The following UBA2 variants were observed in gnomAD, a reference collection of about 807,000 sequenced individuals.
UBA2 encodes ubiquitin like modifier activating enzyme 2.
Under a neutral mutation model 77.2 loss-of-function variants are expected in UBA2, and 11 were observed. That is an observed-to-expected ratio of 0.14 (90% CI 0.09 to 0.24). UBA2 has a LOEUF of 0.24. Among genes scored for constraint, UBA2 ranks in the 10% least tolerant of loss-of-function variants. UBA2 has a pLI of 1.00. For synonymous variants in UBA2, 278 were observed against 276.7 expected (o/e 1.00, Z -0.05); for missense variants, 487 against 781.7 (o/e 0.62, Z 4.50).
At chr19:34,464,197 G>A in intron 15 of UBA2, 66 bp downstream of exon 15, 1 of 1,133,426 alleles carries the variant, frequency 8.8e-7, no homozygotes. Flanking sequence ...ACAAAATGAA[G>A]GAAAAGTGTT....
Position 34,428,469 on chromosome 19 carries a change from G to A in UBA2, c.37G>A (p.Glu13Lys), listed in dbSNP as rs2075211151. 2 of 1,290,374 alleles carry A rather than the reference G, an allele frequency of 1.5e-6. No individual in the cohort carries two copies. The highest frequency in any genetic ancestry group is 3.4e-5 in the Admixed American group (1 of 29,570). The allele number at this position is 1,290,374 out of a possible 1,614,324, so 79.9% of individuals were successfully genotyped here. A position where few individuals can be genotyped will look rare whatever the true frequency, so the allele number is the denominator to read the frequency against. ...GCGGGGGCTGCCCCGGGAGCTGGCT[G>A]AGGCGGTGGCCGGGGGCCGGGTGCT... ...LSRGLPRELA[E>K]AVAGGRVLVV... The change falls in exon 1 of 17, where the codon GAG becomes AAG. Residue 13 changes from glutamate (E) to lysine (K), a missense_variant. Physicochemically the swap from Glu to Lys is moderately conservative, Grantham distance 56. Around this residue, in one of 9 missense-constraint regions of UBA2, gnomAD observed 30 missense variants for 27.4 expected, o/e 1.09. Transcript: ENST00000246548.
rs1287505034 is a variant in UBA2 at position 34,454,438 on chromosome 19, T to TC, written c.1133-3dup. 1.9e-6 allele frequency: 3 copies of TC among 1,561,008 alleles called. No homozygotes were observed. The highest frequency in any genetic ancestry group is 1.4e-5 in the African/African-American group (1 of 72,674). On this transcript the variant is annotated splice_polypyrimidine_tract_variant and splice_region_variant and intron_variant, in intron 11 of 16. Coordinates refer to ENST00000246548, the MANE Select transcript of UBA2 (RefSeq NM_005499.3). ...AAACATACTCATCCTTTTTTTTTTT[T>TC]CCCAGCAATGGCAGGGAACATTATT...
chr19:34,459,461 A>G (rs2075607372), intron 13 of UBA2, among the ~76,000 whole-genome samples: 1 of 152,142 alleles, frequency 6.6e-6, no homozygotes, highest in African/African-American at 2.4e-5. Context: ...GTTGAGGCTA[A>G]GTGGTGGTAC....
intron 8 of UBA2, among the ~76,000 whole-genome samples, chr19:34,448,298 T>G (rs2145528723): frequency 6.6e-6 from 1 of 151,978 alleles, no homozygotes; most frequent in South Asian, 2.1e-4. Flanking sequence ...ATCAGTGGAA[T>G]AAAAAATGGT....
chr19:34,467,467 A>C (rs1161610098), intron 16 of UBA2, among the ~76,000 whole-genome samples: 1 of 108,152 alleles, frequency 9.2e-6, no homozygotes, highest in Non-Finnish European at 1.7e-5. Flanking sequence ...CCATGTCTCA[A>C]AAAAAAAAAA....
At chr19:34,464,850 C>G (rs2075670830) in intron 15 of UBA2, among the ~76,000 whole-genome samples, 1 of 152,094 alleles carries the variant, frequency 6.6e-6, no homozygotes, top group South Asian at 2.1e-4. Flanking sequence ...TGGCTCACAC[C>G]TGTAATCCCA....
chr19:34,442,035 G>A (rs1248278473), intron 6 of UBA2, among the ~76,000 whole-genome samples: 2 of 151,844 alleles, frequency 1.3e-5, no homozygotes, highest in Non-Finnish European at 2.9e-5. Flanking sequence ...AGCAGTTTGA[G>A]AGCAGTGTGG....
At chr19:34,452,205 G>A in intron 10 of UBA2, 58 bp downstream of exon 10, 1 of 1,334,432 alleles carries the variant, frequency 7.5e-7, no homozygotes, top group African/African-American at 1.5e-5. Flanking sequence ...TTTAGTTCTT[G>A]AGATGTAATA....
intron 14 of UBA2, 81 bp downstream of exon 14, chr19:34,460,647 T>C (rs2075621124): frequency 9.7e-7 from 1 of 1,027,418 alleles, no homozygotes. Context: ...ATTTACTGTA[T>C]GTGATACTCA....
intron 6 of UBA2, among the ~76,000 whole-genome samples, chr19:34,440,511 C>T (rs2075357495): frequency 1.3e-5 from 2 of 152,104 alleles, no homozygotes; most frequent in Admixed American, 6.6e-5. Flanking sequence ...TACTACTTAG[C>T]TTGTGTTATT....
intron 4 of UBA2, 82 bp from the exon 5 acceptor site, chr19:34,434,786 T>C: frequency 2.0e-6 from 2 of 1,006,102 alleles, no homozygotes; most frequent in Non-Finnish European, 3.0e-6. Context: ...GCCAGTAAGA[T>C]AGTTTTGAGT....
intron 10 of UBA2, among the ~76,000 whole-genome samples, chr19:34,452,903 T>C (rs1238587597): frequency 6.6e-6 from 1 of 152,248 alleles, no homozygotes; most frequent in Non-Finnish European, 1.5e-5. Flanking sequence ...GGGATTCTTA[T>C]AAACATTAGT....
At chr19:34,438,889 G>A in intron 6 of UBA2, 123 bp downstream of exon 6, 1 of 1,310,966 alleles carries the variant, frequency 7.6e-7, no homozygotes, top group East Asian at 2.4e-5. Flanking sequence ...GGATGCTTTA[G>A]TAGCTTTCTT....
In UBA2 at chr19:34,454,540, T is replaced by C. The variant is rs1484549056; in HGVS notation, c.1229T>C (p.Ile410Thr). ...LEGLKILSGK[I>T]DQCRTIFLNK... is the part of the protein sequence containing the mutation. ...GGATTGAAGATTTTATCAGGAAAAA[T>C]AGACCAGTGCAGAACAGTGAGTATT... The change falls in exon 12 of 17, where the codon ATA (isoleucine) becomes ACA (threonine). Residue 410 changes from isoleucine to threonine, a missense_variant. Physicochemically the swap from Ile to Thr is moderately conservative, Grantham distance 89. Around this residue, in one of 9 missense-constraint regions of UBA2, gnomAD observed 300 missense variants for 454.3 expected, o/e 0.66. Transcript: ENST00000246548. 6.3e-7 allele frequency: 1 copy of C among 1,594,716 alleles called. No homozygotes were observed. The highest frequency in any genetic ancestry group is 1.1e-5 in the South Asian group (1 of 88,820).
intron 16 of UBA2, among the ~76,000 whole-genome samples, chr19:34,468,830 C>T (rs566193979): frequency 3.9e-4 from 60 of 152,266 alleles, no homozygotes; most frequent in African/African-American, 1.4e-3. Flanking sequence ...ATGCTTGTCA[C>T]AATTTTTTGT....
intron 8 of UBA2, among the ~76,000 whole-genome samples, chr19:34,448,447 A>G (rs1160881967): frequency 6.6e-6 from 1 of 152,000 alleles, no homozygotes; most frequent in Non-Finnish European, 1.5e-5. Context: ...AAAAAAAAAT[A>G]GCCAGCCATG....
chr19:34,458,891 C>A lies in UBA2; in HGVS notation c.1368C>A (p.Val456=). 1 of 1,613,982 alleles carries A rather than the reference C, an allele frequency of 6.2e-7. No individual in the cohort carries two copies. Among genetic ancestry groups the A allele is most frequent in the Non-Finnish European group, 8.5e-7 (1 of 1,179,976 alleles). Residue 456 remains valine, a synonymous_variant, in exon 13 of 17, where the codon GTC becomes GTA. Coordinates refer to ENST00000246548, the MANE Select transcript of UBA2 (RefSeq NM_005499.3). ...CAGAGGTGACTGTGCGGCTGAATGT[C>A]CATAAAGTGACTGTTCTCACCTTAC... is the stretch of plus-strand genomic sequence containing the variant. ...SKPEVTVRLN[V]HKVTVLTLQD...
At chr19:34,429,201 T>G (rs1249544119) in intron 1 of UBA2, 7 of 985,046 alleles carry the variant, frequency 7.1e-6, no homozygotes, top group Non-Finnish European at 8.4e-6. Context: ...GCTGCGTGAC[T>G]GTCATTGCTC....
intron 3 of UBA2, among the ~76,000 whole-genome samples, chr19:34,432,780 C>G (rs1307429788): frequency 1.3e-5 from 2 of 152,170 alleles, no homozygotes; most frequent in Non-Finnish European, 2.9e-5. Flanking sequence ...GTCTCAAACT[C>G]CCGACCTCAG....
Sources: allele counts gnomAD v4.1 joint callset (sites outside exome capture counted in the v4.1 genomes callset), GRCh38; gene constraint gnomAD v4.1.1; regional missense constraint gnomAD v4.1.1; transcripts MANE v1.5; gene names NCBI Gene and HGNC (gene_info 2026-07-23, HGNC 2026-07-21).